The following GALNT16 variants were observed in gnomAD, a reference collection of about 807,000 sequenced individuals.
GALNT16 encodes polypeptide N-acetylgalactosaminyltransferase 16.
GALNT16 carries 40 observed loss-of-function variants against 76.1 expected under a neutral mutation model. The observed-to-expected ratio is 0.53, with a 90% CI of 0.41 to 0.68. GALNT16 has a LOEUF of 0.68. Among genes scored for constraint, GALNT16 ranks in the 30% least tolerant of loss-of-function variants. The pLI, the probability that GALNT16 is intolerant of heterozygous loss-of-function variation, is 0.00. For missense variants in GALNT16, 621 were observed against 731.9 expected (o/e 0.85, Z 1.75); for synonymous variants, 276 against 285.2 (o/e 0.97, Z 0.32).
the GALNT16 span, among the ~76,000 whole-genome samples, chr14:69,369,670 C>G: frequency 6.6e-6 from 1 of 152,186 alleles, no homozygotes; most frequent in African/African-American, 2.4e-5. Context: ...GCACTCAAAA[C>G]TAGAGAAAGA....
At chr14:69,260,136 A>ACTCCCC, upstream of GALNT16, 6 of 113,994 alleles carry the variant, frequency 5.3e-5, 2 homozygotes, top group Non-Finnish European at 1.1e-4. Context: ...TCTCCCTATC[A>ACTCCCC]CCCCCCCGCC....
At chr14:69,315,161 G>A (rs1258205184) in intron 1 of GALNT16, among the ~76,000 whole-genome samples, 1 of 151,522 alleles carries the variant, frequency 6.6e-6, no homozygotes, top group African/African-American at 2.4e-5. Flanking sequence ...AAATCTAGCT[G>A]GAAAAAAAAA....
intron 6 of GALNT16, among the ~76,000 whole-genome samples, chr14:69,330,349 A>T (rs1267650438): frequency 2.0e-5 from 3 of 152,238 alleles, no homozygotes; most frequent in Non-Finnish European, 4.4e-5. Context: ...GATTCCTTTC[A>T]TAGGAAATGT....
In GALNT16 at chr14:69,289,939, G is replaced by A. The variant is rs377037385; in HGVS notation, c.177+29472G>A. On this transcript the variant is annotated intron_variant, in intron 1 of 14. Transcript: ENST00000448469. ...TTTTTAATAGAGACAGGGTTTCACCGTGTTGCCCAGGGTAGCCTTGTACTC... is the reference window on the plus strand; with the variant it reads ...TTTTTAATAGAGACAGGGTTTCACCATGTTGCCCAGGGTAGCCTTGTACTC... Among the ~76,000 whole-genome samples the A allele has an allele frequency of 3.4e-4, 51 of 152,016 alleles. No individual in the cohort carries two copies. The South Asian group carries it at 0.01, about 30-fold the overall frequency.
intron 1 of GALNT16, among the ~76,000 whole-genome samples, chr14:69,301,904 C>T (rs772675680): frequency 2.0e-5 from 3 of 152,144 alleles, no homozygotes; most frequent in African/African-American, 4.8e-5. Context: ...GCAGGAGAAT[C>T]GCTTGAACCC....
chr14:69,306,171 A>G (rs2044930393), intron 1 of GALNT16, among the ~76,000 whole-genome samples: 4 of 152,222 alleles, frequency 2.6e-5, no homozygotes. Flanking sequence ...GCTTTGTAAT[A>G]TATTTTGAAA....
At chr14:69,373,732 C>CTTTTTCTTCTCT in the GALNT16 span, among the ~76,000 whole-genome samples, 467 of 151,494 alleles carry the variant, frequency 3.1e-3, 3 homozygotes, top group African/African-American at 0.011. Context: ...TCTTTCTCTT[C>CTTTTTCTTCTCT]TTTTTCTTTC....
Position 69,338,738 on chromosome 14 carries a change from C to T in GALNT16, c.1055C>T (p.Pro352Leu). ...RVGHVFRKRHPYNFPEGNALT... is the reference protein window; with the variant it reads ...RVGHVFRKRHLYNFPEGNALT... ...GGCCATGTCTTCAGGAAACGGCACC[C>T]CTACAACTTCCCTGAGGGTAATGCC... Residue 352 changes from proline (P) to leucine (L), a missense_variant, in exon 10 of 15, where the codon CCC becomes CTC. Physicochemically the swap from Pro to Leu is moderately conservative, Grantham distance 98. Coordinates refer to ENST00000448469, the MANE Select transcript of GALNT16 (RefSeq NM_001168368.2). 1 of 1,613,942 alleles carries T rather than the reference C, an allele frequency of 6.2e-7. No individual in the cohort carries two copies. Among genetic ancestry groups the T allele is most frequent in the East Asian group, 2.2e-5 (1 of 44,868 alleles).
intron 1 of GALNT16, among the ~76,000 whole-genome samples, chr14:69,270,547 C>T (rs915774493): frequency 1.3e-5 from 2 of 152,202 alleles, no homozygotes; most frequent in African/African-American, 4.8e-5. Flanking sequence ...TTTAAACAAA[C>T]TGTATGGGAG....
chr14:69,332,142 T>C (rs2045359231), intron 7 of GALNT16, among the ~76,000 whole-genome samples: 1 of 152,246 alleles, frequency 6.6e-6, no homozygotes, highest in Non-Finnish European at 1.5e-5. Context: ...TTTTTTGTAT[T>C]GATTACATGT....
chr14:69,374,639 C>T, the GALNT16 span, among the ~76,000 whole-genome samples: 2 of 152,190 alleles, frequency 1.3e-5, no homozygotes, highest in Non-Finnish European at 2.9e-5. Flanking sequence ...TGGTATATTG[C>T]ACATTGGAAT....
At chr14:69,291,137 T>A (rs1383453641) in intron 1 of GALNT16, among the ~76,000 whole-genome samples, 1 of 151,996 alleles carries the variant, frequency 6.6e-6, no homozygotes, top group Non-Finnish European at 1.5e-5. Flanking sequence ...CGACAAATTT[T>A]AAAAAGTTAA....
At chr14:69,284,486 T>C (rs1487652127) in intron 1 of GALNT16, among the ~76,000 whole-genome samples, 2 of 152,156 alleles carry the variant, frequency 1.3e-5, no homozygotes, top group Non-Finnish European at 2.9e-5. Flanking sequence ...TGCTCACTCA[T>C]GACAAATAAT....
chr14:69,327,179 C>T (rs541859320), intron 5 of GALNT16, among the ~76,000 whole-genome samples: 3 of 152,214 alleles, frequency 2.0e-5, no homozygotes, highest in East Asian at 3.9e-4. Flanking sequence ...GCTAAAACCC[C>T]GTCTCTACTA....
intron 1 of GALNT16, among the ~76,000 whole-genome samples, chr14:69,285,003 A>C (rs529283395): frequency 3.3e-4 from 49 of 146,466 alleles, no homozygotes; most frequent in African/African-American, 1.2e-3. Context: ...GGTCAATTAA[A>C]CTTCTTTCCT....
At chr14:69,264,269 A>C (rs2044312034) in intron 1 of GALNT16, among the ~76,000 whole-genome samples, 1 of 152,192 alleles carries the variant, frequency 6.6e-6, no homozygotes, top group African/African-American at 2.4e-5. Context: ...CTACTGAATG[A>C]CCATGGACAC....
At chr14:69,318,813 T>C (rs757985266) in intron 1 of GALNT16, among the ~76,000 whole-genome samples, 7 of 152,268 alleles carry the variant, frequency 4.6e-5, no homozygotes, top group Non-Finnish European at 8.8e-5. Flanking sequence ...CTCCGTTCCA[T>C]TTCCCTGACC....
chr14:69,269,178 C>T (rs1342637656), intron 1 of GALNT16, among the ~76,000 whole-genome samples: 1 of 151,992 alleles, frequency 6.6e-6, no homozygotes, highest in Admixed American at 6.6e-5. Context: ...TGTATAAAAG[C>T]GTTGGTTCCT....
At chr14:69,318,835 G>A (rs1189552454) in intron 1 of GALNT16, among the ~76,000 whole-genome samples, 1 of 152,210 alleles carries the variant, frequency 6.6e-6, no homozygotes. Context: ...AGAGCTAAGA[G>A]GGCATCCATC....
Sources: allele counts gnomAD v4.1 joint callset (sites outside exome capture counted in the v4.1 genomes callset), GRCh38; gene constraint gnomAD v4.1.1; transcripts MANE v1.5; gene names NCBI Gene and HGNC (gene_info 2026-07-23, HGNC 2026-07-21).